Variants in PAK3 observed in about 807,000 individuals in gnomAD.
The protein encoded by PAK3 is serine/threonine-protein kinase PAK 3.
In PAK3, 4 loss-of-function variants were observed where a neutral mutation model predicts 41.0. The ratio of observed to expected loss-of-function variants is 0.10; its 90% CI spans 0.05 to 0.22. PAK3 has a LOEUF of 0.22. PAK3 is among the 10% of genes least tolerant of loss of function. PAK3 has a pLI of 1.00. For missense variants in PAK3, 205 were observed against 409.9 expected, an observed-to-expected ratio of 0.50 and a Z score of 4.32; for synonymous variants, 146 against 139.6, an observed-to-expected ratio of 1.05 and a Z score of -0.32.
At chrX:111,088,873 C>T (rs2092909554) in intron 1 of PAK3, among the ~76,000 whole-genome samples, 1 of 111,774 alleles carries the variant, frequency 8.9e-6, no homozygotes, top group Admixed American at 9.5e-5. Context: ...CTTTATCTGT[C>T]CATTCTCCCA....
intron 1 of PAK3, among the ~76,000 whole-genome samples, chrX:110,974,513 C>T (rs906657249): frequency 9.0e-6 from 1 of 111,442 alleles, no homozygotes; most frequent in Admixed American, 9.5e-5. Flanking sequence ...GGATTTACAG[C>T]CAAATTCTAC....
At chrX:111,118,934 T>C (rs1199019623) in intron 4 of PAK3, among the ~76,000 whole-genome samples, 1 of 111,265 alleles carries the variant, frequency 9.0e-6, no homozygotes, top group Admixed American at 9.6e-5. Context: ...CTGCAAAGCA[T>C]TTTAGAGAAA....
At chrX:110,973,255 C>G (rs2091251936) in intron 1 of PAK3, among the ~76,000 whole-genome samples, 1 of 111,083 alleles carries the variant, frequency 9.0e-6, no homozygotes, top group Admixed American at 9.6e-5. Context: ...CCCAACACAC[C>G]TAATTGTCAG....
intron 4 of PAK3, among the ~76,000 whole-genome samples, chrX:111,108,012 A>G (rs1298407209): frequency 2.7e-5 from 3 of 111,877 alleles, no homozygotes; most frequent in Non-Finnish European, 5.6e-5. Flanking sequence ...AGACACACCT[A>G]TTGCACTCTA....
intron 17 of PAK3, chrX:111,217,458 C>T (rs1260910494): frequency 6.7e-6 from 6 of 892,114 alleles, no homozygotes; most frequent in Non-Finnish European, 8.8e-6. Context: ...GAAGGTGCAA[C>T]ACTTGGTTAT....
chrX:111,112,434 C>A (rs1364000073), intron 4 of PAK3, among the ~76,000 whole-genome samples: 1 of 110,129 alleles, frequency 9.1e-6, no homozygotes, highest in Non-Finnish European at 1.9e-5. Context: ...TCATGGCTGA[C>A]ATCCATTATA....
At chrX:111,051,697 C>CTG (rs55981824) in intron 1 of PAK3, among the ~76,000 whole-genome samples, 115 of 104,355 alleles carry the variant, frequency 1.1e-3, no homozygotes, top group African/African-American at 2.2e-3. Flanking sequence ...GTGTGTGTGT[C>CTG]TGTGTGTGTG....
chrX:111,045,819 G>A (rs1185404065), intron 1 of PAK3, among the ~76,000 whole-genome samples: 2 of 111,514 alleles, frequency 1.8e-5, no homozygotes. Context: ...GGACCATGGC[G>A]AGGCTAAGCT....
At chrX:111,007,501 C>T (rs186212003) in intron 1 of PAK3, among the ~76,000 whole-genome samples, 1 of 111,791 alleles carries the variant, frequency 8.9e-6, no homozygotes, top group African/African-American at 3.2e-5. Context: ...AGGGTACAGG[C>T]TGCGTGGGTC....
At chrX:111,057,814 C>G (rs1338080685) in intron 1 of PAK3, among the ~76,000 whole-genome samples, 1 of 111,673 alleles carries the variant, frequency 9.0e-6, no homozygotes, top group African/African-American at 3.3e-5. Flanking sequence ...GAAGCTTGCA[C>G]CCATTAGCAG....
rs1040735056 is a variant in PAK3, at chrX:111,226,159, A to G, written c.*5712A>G. 3 of 110,924 alleles carry G rather than the reference A, an allele frequency of 2.7e-5. No homozygotes were observed. In the Admixed American group the frequency reaches 2.9e-4, roughly 11 times the overall value. The allele number at this position is 110,924 out of a possible 1,213,427, so 9.1% of individuals were successfully genotyped here. A position where few individuals can be genotyped will look rare whatever the true frequency, so the allele number is the denominator to read the frequency against. On this transcript the variant is annotated 3_prime_UTR_variant, in exon 18 of 18. Coordinates refer to ENST00000372007, the MANE Select transcript of PAK3 (RefSeq NM_002578.5). Reference sequence around the variant, plus strand: ...CCATTGCACTCCAGCCTCGGCAACAAGAGTGAAACTTCGTCTCCAAAAAAA... The same window carrying G: ...CCATTGCACTCCAGCCTCGGCAACAGGAGTGAAACTTCGTCTCCAAAAAAA...
intron 14 of PAK3, 93 bp downstream of exon 14, chrX:111,194,511 C>A (rs2094592866): frequency 1.2e-5 from 7 of 600,702 alleles, no homozygotes; most frequent in Non-Finnish European, 2.0e-5. Flanking sequence ...ATCAAAGTAA[C>A]AATAGTAGAA....
In PAK3 at chrX:111,150,262, A is replaced by G. The variant is rs2094007000; in HGVS notation, c.431-2148A>G. ...GGACAAAGTCATTCAACAAGCCTCTATGAAGTTCCAAACTTCCCCACATTT... is the reference window on the plus strand; with the variant it reads ...GGACAAAGTCATTCAACAAGCCTCTGTGAAGTTCCAAACTTCCCCACATTT... On this transcript the variant is annotated intron_variant, in intron 7 of 17. Coordinates refer to ENST00000372007, the MANE Select transcript of PAK3 (RefSeq NM_002578.5). Among the ~76,000 whole-genome samples the G allele has an allele frequency of 2.7e-5, 3 of 112,057 alleles. No individual in the cohort carries two copies. The South Asian group carries it at 1.1e-3, about 42-fold the overall frequency.
In PAK3 at chrX:111,224,702, G is replaced by A. The variant is rs2094944898; in HGVS notation, c.*4255G>A. On this transcript the variant is annotated 3_prime_UTR_variant, in exon 18 of 18. Transcript: ENST00000372007. ...AGTAGTTGTGATTTTTAAAGAGCAA[G>A]GGAGACCATCTAACCAAAGGATAAC... 1.8e-5 allele frequency: 2 copies of A among 111,986 alleles called. No homozygotes were observed. The allele number at this position is 111,986 out of a possible 1,213,427, so 9.2% of individuals were successfully genotyped here.
chrX:111,122,375 C>G (rs144227049), intron 4 of PAK3, among the ~76,000 whole-genome samples: 1 of 109,107 alleles, frequency 9.2e-6, no homozygotes, highest in Non-Finnish European at 1.9e-5. Flanking sequence ...TCTTCCAAGA[C>G]GTAAAATGTG....
At chrX:111,089,985 G>C (rs913818329) in intron 1 of PAK3, among the ~76,000 whole-genome samples, 1 of 110,577 alleles carries the variant, frequency 9.0e-6, no homozygotes, top group Non-Finnish European at 1.9e-5. Context: ...AACTGAATAA[G>C]TCTGTCCTAG....
At chrX:111,052,765 A>G (rs1322983538) in intron 1 of PAK3, among the ~76,000 whole-genome samples, 1 of 112,381 alleles carries the variant, frequency 8.9e-6, no homozygotes, top group African/African-American at 3.2e-5. Context: ...CCACAATTGT[A>G]TAAAGACTTA....
rs1296763969 is a variant in PAK3, at chrX:111,160,580, AG to A, written c.469-2334del. On this transcript the variant is annotated intron_variant, in intron 8 of 17. Transcript: ENST00000372007. ...TGCTGCACCCATTAACTCATCATTTAGCATTAGGTATATCACCTAATGCTAT... is the reference window on the plus strand; with the variant it reads ...TGCTGCACCCATTAACTCATCATTTACATTAGGTATATCACCTAATGCTAT... Among the ~76,000 whole-genome samples the A allele has an allele frequency of 7.3e-3, 796 of 109,027 alleles. 3 individuals carry two copies. The highest frequency in any genetic ancestry group is 9.9e-3 in the Non-Finnish European group (516 of 52,318). 94.7% of individuals were successfully genotyped at this position (109,027 alleles called of 115,157 possible). A position where few individuals can be genotyped will look rare whatever the true frequency, so the allele number is the denominator to read the frequency against.
chrX:111,160,939 T>A (rs1204309830), intron 8 of PAK3, among the ~76,000 whole-genome samples: 1 of 112,562 alleles, frequency 8.9e-6, no homozygotes, highest in Non-Finnish European at 1.9e-5. Context: ...TGTGCATGTG[T>A]CTTTATAGCA....
Sources: gnomAD v4.1 joint callset for allele counts (sites outside exome capture counted in the v4.1 genomes callset) on GRCh38, gnomAD v4.1.1 for gene constraint, MANE v1.5 for transcripts, NCBI Gene and HGNC (gene_info 2026-07-23, HGNC 2026-07-21) for gene names.